The following NIPBL variants were observed in gnomAD, a reference collection of about 807,000 sequenced individuals.
The protein encoded by NIPBL is nipped-B-like protein.
NIPBL carries 19 observed loss-of-function variants against 321.8 expected under a neutral mutation model. That is an observed-to-expected ratio of 0.06 (90% CI 0.04 to 0.09). The LOEUF (loss-of-function observed/expected upper bound fraction) is 0.09. Among genes scored for constraint, NIPBL ranks in the 10% least tolerant of loss-of-function variants. The pLI is 1.00. For synonymous variants in NIPBL, 1,106 were observed against 1,114.1 expected, an observed-to-expected ratio of 0.99 and a Z score of 0.14; for missense variants, 2,210 against 3,327.0, an observed-to-expected ratio of 0.66 and a Z score of 8.26.
chr5:37,027,246 A>G, intron 31 of NIPBL, 113 bp from the exon 32 acceptor site: 1 of 824,988 alleles, frequency 1.2e-6, no homozygotes, highest in Non-Finnish European at 2.0e-6. Flanking sequence ...CTTTAAAAAT[A>G]AACTTTTGAA....
At chr5:36,905,825 G>T (rs1747590223) in intron 1 of NIPBL, among the ~76,000 whole-genome samples, 1 of 151,766 alleles carries the variant, frequency 6.6e-6, no homozygotes, top group African/African-American at 2.4e-5. Flanking sequence ...CTCACTGCAA[G>T]CTCCGCCTCC....
intron 16 of NIPBL, among the ~76,000 whole-genome samples, chr5:37,004,220 G>A (rs1229541837): frequency 6.6e-6 from 1 of 152,118 alleles, no homozygotes; most frequent in Non-Finnish European, 1.5e-5. Flanking sequence ...CAACATGCTT[G>A]CAATGGTTTA....
At chr5:37,022,702 G>A (rs1749789026) in intron 29 of NIPBL, among the ~76,000 whole-genome samples, 1 of 152,142 alleles carries the variant, frequency 6.6e-6, no homozygotes, top group South Asian at 2.1e-4. Context: ...CAAGAATCTA[G>A]AGTGATTTTA....
intron 33 of NIPBL, among the ~76,000 whole-genome samples, chr5:37,038,119 A>G (rs969848457): frequency 2.6e-5 from 4 of 151,936 alleles, no homozygotes; most frequent in Non-Finnish European, 4.4e-5. Flanking sequence ...CCTCCCGAGT[A>G]ACTGAGACTA....
At chr5:37,032,386 CGTGTGTGTGTGTGT>C (rs58831894) in intron 32 of NIPBL, among the ~76,000 whole-genome samples, 3,293 of 123,582 alleles carry the variant, frequency 0.027, 118 homozygotes, top group African/African-American at 0.075. Context: ...TACATGTATA[CGTGTGTGTGTGTGT>C]GTGTGTGTGT....
Position 37,036,460 on chromosome 5 carries a change from A to G in NIPBL, c.5944A>G (p.Ile1982Val). 6.9e-7 allele frequency: 1 copy of G among 1,456,272 alleles called. No individual in the cohort carries two copies. Among genetic ancestry groups the G allele is most frequent in the Non-Finnish European group, 9.2e-7 (1 of 1,087,790 alleles). The allele number at this position is 1,456,272 out of a possible 1,614,324, so 90.2% of individuals were successfully genotyped here. A position where few individuals can be genotyped will look rare whatever the true frequency, so the allele number is the denominator to read the frequency against. The change falls in exon 33 of 47, where the codon ATT (isoleucine) becomes GTT (valine). Residue 1982 changes from isoleucine (I) to valine (V), a missense_variant. By Grantham distance (29) the Ile-to-Val change is conservative. This residue lies in a region of NIPBL where 69 missense variants were observed against 100.8 expected (regional missense o/e 0.68). Transcript: ENST00000282516. ...TQLVDNLVEH[I>V]LKYEESLADS... ...ACTTGTTGATAACCTAGTTGAGCAC[A>G]TTCTTAAATATGAGGAATCTCTAGC...
At chr5:36,970,547 T>C (rs936851476) in intron 6 of NIPBL, among the ~76,000 whole-genome samples, 2 of 151,728 alleles carry the variant, frequency 1.3e-5, no homozygotes, top group Non-Finnish European at 2.9e-5. Context: ...AATATATTCA[T>C]GCATAGCAAA....
chr5:36,887,969 G>A (rs1451477358), intron 1 of NIPBL, among the ~76,000 whole-genome samples: 1 of 152,100 alleles, frequency 6.6e-6, no homozygotes, highest in Non-Finnish European at 1.5e-5. Flanking sequence ...AGAAATTTGG[G>A]ATAATCCTTG....
chr5:36,917,693 T>A (rs1179064495), intron 1 of NIPBL, among the ~76,000 whole-genome samples: 1 of 152,222 alleles, frequency 6.6e-6, no homozygotes, highest in Non-Finnish European at 1.5e-5. Flanking sequence ...CTTGAATTAA[T>A]TTTTGTATAA....
chr5:36,937,682 C>G (rs77859695), intron 1 of NIPBL, among the ~76,000 whole-genome samples: 1 of 152,118 alleles, frequency 6.6e-6, no homozygotes, highest in Non-Finnish European at 1.5e-5. Context: ...AAATTACTCT[C>G]AGATTTCTGC....
Position 37,065,297 on chromosome 5 carries a change from C to A in NIPBL, c.*405C>A. ...CCAGGGAAGCATTGTTTTTTCCAGG[C>A]TGTAAAATGGCAGAATCTCCTGGAT... On this transcript the variant is annotated 3_prime_UTR_variant, in exon 47 of 47. Coordinates refer to ENST00000282516, the MANE Select transcript of NIPBL (RefSeq NM_133433.4). 3 of 205,778 alleles carry A rather than the reference C, an allele frequency of 1.5e-5. No homozygotes were observed. Among genetic ancestry groups the A allele is most frequent in the Non-Finnish European group, 3.0e-5 (3 of 101,150 alleles). The allele number at this position is 205,778 out of a possible 1,614,324, so 12.7% of individuals were successfully genotyped here.
At chr5:37,012,796 C>G (rs1748327711) in intron 21 of NIPBL, among the ~76,000 whole-genome samples, 1 of 152,162 alleles carries the variant, frequency 6.6e-6, no homozygotes. Flanking sequence ...GGTCACAGAT[C>G]AACAGGATCC....
intron 15 of NIPBL, 32 bp from the exon 16 acceptor site, chr5:37,003,229 C>T (rs367763532): frequency 2.7e-5 from 33 of 1,226,496 alleles, no homozygotes; most frequent in African/African-American, 8.9e-5. Flanking sequence ...CTTTTACCAA[C>T]GATTGATAAA....
chr5:36,930,654 G>C (rs1023293983), intron 1 of NIPBL, among the ~76,000 whole-genome samples: 3 of 152,024 alleles, frequency 2.0e-5, no homozygotes, highest in African/African-American at 7.2e-5. Flanking sequence ...TTTTTCTCCT[G>C]ATAGGGAAGT....
intron 46 of NIPBL, 123 bp downstream of exon 46, chr5:37,064,101 T>C (rs1755112118): frequency 2.7e-6 from 4 of 1,466,580 alleles, no homozygotes; most frequent in Non-Finnish European, 2.7e-6. Context: ...AGAAAACATT[T>C]TGTAGATAGA....
chr5:36,889,952 A>C (rs1746192825), intron 1 of NIPBL, among the ~76,000 whole-genome samples: 1 of 152,002 alleles, frequency 6.6e-6, no homozygotes. Flanking sequence ...AAATGGGAAA[A>C]ATATCAAATT....
intron 1 of NIPBL, among the ~76,000 whole-genome samples, chr5:36,941,151 G>T (rs189860971): frequency 6.6e-6 from 1 of 151,918 alleles, no homozygotes; most frequent in Non-Finnish European, 1.5e-5. Flanking sequence ...CATCTCCCAG[G>T]GATAAGAAAA....
At chr5:36,986,398 T>C (rs1321758791) in intron 10 of NIPBL, 97 bp downstream of exon 10, 2 of 825,102 alleles carry the variant, frequency 2.4e-6, no homozygotes, top group Admixed American at 3.3e-5. Flanking sequence ...ATTAGAAAGC[T>C]ACTACATGAA....
chr5:36,998,101 G>C (rs533129945), intron 11 of NIPBL, among the ~76,000 whole-genome samples: 1 of 152,148 alleles, frequency 6.6e-6, no homozygotes, highest in South Asian at 2.1e-4. Flanking sequence ...GAGATACATA[G>C]GTGAAATTTG....
Sources: gnomAD v4.1 joint callset for allele counts (sites outside exome capture counted in the v4.1 genomes callset) on GRCh38, gnomAD v4.1.1 for gene constraint, gnomAD v4.1.1 regional missense constraint, MANE v1.5 for transcripts, NCBI Gene and HGNC (gene_info 2026-07-23, HGNC 2026-07-21) for gene names.